COL15A1: variants seen among roughly 807,000 people sequenced by gnomAD.
The protein encoded by COL15A1 is collagen type XV alpha 1 chain, also known as collagen alpha-1(XV) chain.
In COL15A1, 111 loss-of-function variants were observed where a neutral mutation model predicts 165.9. The observed-to-expected ratio is 0.67, with a 90% confidence interval of 0.57 to 0.78. COL15A1 has a LOEUF of 0.78. Ranked by LOEUF, COL15A1 falls within the 30% of genes least tolerant of loss-of-function variation. The pLI is 0.00. For missense variants in COL15A1, 1,745 were observed against 1,789.7 expected (o/e 0.98, Z 0.45); for synonymous variants, 659 against 674.8 (o/e 0.98, Z 0.36).
At chr9:98,960,372 C>T (rs992210119) in intron 2 of COL15A1, among the ~76,000 whole-genome samples, 1 of 151,974 alleles carries the variant, frequency 6.6e-6, no homozygotes, top group African/African-American at 2.4e-5. Context: ...TGAACGAACC[C>T]CAGCCTGGGT....
At position 99,010,778 on chromosome 9, in the gene COL15A1, AT is replaced by A. The variant is rs766956565; in HGVS notation, c.1354-4638del. Among the ~76,000 whole-genome samples the A allele has an allele frequency of 5.9e-5, 9 of 152,360 alleles. No homozygotes were observed. In the South Asian group the frequency reaches 8.3e-4, roughly 14 times the overall value. On this transcript the variant is annotated intron_variant, in intron 9 of 41. Transcript: ENST00000375001. Reference sequence around the variant, plus strand: ...GACGTAATAACCTTAATTAAAAAAAATATTCTTTTTGTTAATCTGCATCTTT... The same window carrying A: ...GACGTAATAACCTTAATTAAAAAAAAATTCTTTTTGTTAATCTGCATCTTT...
intron 2 of COL15A1, among the ~76,000 whole-genome samples, chr9:98,979,712 A>G (rs1385741178): frequency 6.6e-6 from 1 of 152,006 alleles, no homozygotes; most frequent in African/African-American, 2.4e-5. Flanking sequence ...GTCAAATTTA[A>G]CCAAATTTAC....
At chr9:98,956,426 A>T (rs1373884793) in intron 2 of COL15A1, among the ~76,000 whole-genome samples, 1 of 152,236 alleles carries the variant, frequency 6.6e-6, no homozygotes, top group Admixed American at 6.5e-5. Flanking sequence ...AATATATAGG[A>T]TATACATATA....
At chr9:98,994,412 T>C (rs1236905708) in intron 5 of COL15A1, among the ~76,000 whole-genome samples, 2 of 152,156 alleles carry the variant, frequency 1.3e-5, no homozygotes, top group Non-Finnish European at 2.9e-5. Flanking sequence ...CAGCTCCCAT[T>C]TCTGCCTGGC....
At chr9:99,025,090 C>A in intron 15 of COL15A1, 91 bp downstream of exon 15, 1 of 1,119,122 alleles carries the variant, frequency 8.9e-7, no homozygotes. Flanking sequence ...CCAGCACTGT[C>A]CAAGGTTCGC....
At chr9:98,973,748 G>T (rs1838099109) in intron 2 of COL15A1, among the ~76,000 whole-genome samples, 1 of 152,240 alleles carries the variant, frequency 6.6e-6, no homozygotes, top group South Asian at 2.1e-4. Flanking sequence ...GGGAGGGCTG[G>T]GTTTGTCCCG....
chr9:99,011,146 T>G (rs1461587889), intron 9 of COL15A1, among the ~76,000 whole-genome samples: 2 of 152,284 alleles, frequency 1.3e-5, no homozygotes, highest in African/African-American at 2.4e-5. Context: ...TGTAAAAAAA[T>G]TATAATGCCT....
In COL15A1 at chr9:99,069,713, G is replaced by T. The variant is rs10519; in HGVS notation, c.3994G>T (p.Val1332Phe). 4 of 1,612,732 alleles carry T rather than the reference G, an allele frequency of 2.5e-6. No homozygotes were observed. The Admixed American group carries it at 6.7e-5, about 27-fold the overall frequency. ...TTGGCATGGCTCCAGCCCCCATGGCGTCCGCCTTGTGGATAACTACTGTGA... is the reference window on the plus strand; with the variant it reads ...TTGGCATGGCTCCAGCCCCCATGGCTTCCGCCTTGTGGATAACTACTGTGA... The part of the protein sequence containing the change: ...VIWHGSSPHG[V>F]RLVDNYCEAW... The change falls in exon 42 of 42, where the codon GTC becomes TTC. Residue 1332 changes from valine to phenylalanine, a missense_variant. Physicochemically the swap from Val to Phe is conservative, Grantham distance 50. Coordinates refer to ENST00000375001, the MANE Select transcript of COL15A1 (RefSeq NM_001855.5).
intron 5 of COL15A1, among the ~76,000 whole-genome samples, chr9:98,995,847 AT>A (rs1199592843): frequency 1.3e-5 from 2 of 152,146 alleles, no homozygotes; most frequent in Admixed American, 6.5e-5. Flanking sequence ...CCTTCCATGC[AT>A]TTTCTATTTC....
chr9:99,038,286 T>C (rs1265550609), intron 21 of COL15A1, among the ~76,000 whole-genome samples: 1 of 152,104 alleles, frequency 6.6e-6, no homozygotes, highest in Admixed American at 6.6e-5. Flanking sequence ...CTCCACACAA[T>C]ATGGCCGAGT....
At chr9:99,022,198 GA>G (rs762780378) in intron 13 of COL15A1, 48 bp downstream of exon 13, 1 of 1,612,318 alleles carries the variant, frequency 6.2e-7, no homozygotes, top group South Asian at 1.1e-5. Flanking sequence ...TAAGACCAGG[GA>G]TGCGGCCAAA....
At chr9:99,039,040 A>C (rs1358318375) in intron 22 of COL15A1, among the ~76,000 whole-genome samples, 1 of 152,144 alleles carries the variant, frequency 6.6e-6, no homozygotes, top group Non-Finnish European at 1.5e-5. Flanking sequence ...GCTTTTATTT[A>C]CATTATCTTA....
In COL15A1 at chr9:98,989,364, C is replaced by T. The variant is rs369175441; in HGVS notation, c.804+106C>T. ...GGGTCTGACCTCTTTGTTTCCAGACCTGTGAGCTTAATCGTTGACTCATCT... is the reference window on the plus strand; with the variant it reads ...GGGTCTGACCTCTTTGTTTCCAGACTTGTGAGCTTAATCGTTGACTCATCT... On this transcript the variant is annotated intron_variant, in intron 5 of 41. Transcript: ENST00000375001. 3 of 887,804 alleles carry T rather than the reference C, an allele frequency of 3.4e-6. 1 individual carries two copies. The highest frequency in any genetic ancestry group is 1.7e-6 in the Non-Finnish European group (1 of 575,488). 55.0% of individuals were successfully genotyped at this position (887,804 alleles called of 1,614,324 possible).
At chr9:98,964,337 C>T (rs1298157397) in intron 2 of COL15A1, among the ~76,000 whole-genome samples, 2 of 152,304 alleles carry the variant, frequency 1.3e-5, no homozygotes, top group African/African-American at 4.8e-5. Context: ...GACTGTCAAG[C>T]TGTACTTTCA....
intron 26 of COL15A1, 115 bp from the exon 27 acceptor site, chr9:99,047,664 CCCTCCTT>C (rs1839514115): frequency 9.9e-7 from 1 of 1,012,420 alleles, no homozygotes. Flanking sequence ...TGGCTCCCTG[CCCTCCTT>C]CCTCCTGTCA....
chr9:98,972,185 G>A (rs1416772667), intron 2 of COL15A1, among the ~76,000 whole-genome samples: 1 of 152,156 alleles, frequency 6.6e-6, no homozygotes, highest in African/African-American at 2.4e-5. Flanking sequence ...GAGGTGATCT[G>A]TGGAAAGGCC....
At chr9:98,980,916 A>G (rs1349204187) in intron 2 of COL15A1, among the ~76,000 whole-genome samples, 1 of 152,198 alleles carries the variant, frequency 6.6e-6, no homozygotes, top group African/African-American at 2.4e-5. Flanking sequence ...TGCGACATGC[A>G]TGACACGGTT....
intron 35 of COL15A1, among the ~76,000 whole-genome samples, chr9:99,058,839 G>A (rs4563947): frequency 0.14 from 20,795 of 152,172 alleles, 1,466 homozygotes; most frequent in South Asian, 0.2. Flanking sequence ...TTTGCCACCT[G>A]TGTGTGGGTG....
At chr9:98,952,780 T>C (rs139348807) in intron 2 of COL15A1, among the ~76,000 whole-genome samples, 5 of 152,258 alleles carry the variant, frequency 3.3e-5, no homozygotes, top group African/African-American at 1.2e-4. Context: ...GCCTCATCAC[T>C]GTACTGCCCA....
Sources: allele counts gnomAD v4.1 joint callset (sites outside exome capture counted in the v4.1 genomes callset), GRCh38; gene constraint gnomAD v4.1.1; transcripts MANE v1.5; gene names NCBI Gene and HGNC (gene_info 2026-07-23, HGNC 2026-07-21).